The following HERC3 variants were observed in gnomAD, a reference collection of about 807,000 sequenced individuals.
The protein encoded by HERC3 is probable E3 ubiquitin-protein ligase HERC3.
HERC3 carries 58 observed loss-of-function variants against 129.9 expected under a neutral mutation model. That is an observed-to-expected ratio of 0.45 (90% CI 0.36 to 0.56). HERC3 has a LOEUF of 0.56. HERC3 is among the 20% of genes least tolerant of loss of function. The pLI is 0.00. For synonymous variants in HERC3, 430 were observed against 451.0 expected, an observed-to-expected ratio of 0.95 and a Z score of 0.59; for missense variants, 835 against 1,244.2, an observed-to-expected ratio of 0.67 and a Z score of 4.95.
At chr4:88,635,581 A>G (rs963825460) in intron 3 of HERC3, among the ~76,000 whole-genome samples, 1 of 152,204 alleles carries the variant, frequency 6.6e-6, no homozygotes, top group Non-Finnish European at 1.5e-5. Flanking sequence ...AACACACTTC[A>G]GGATATTATC....
At chr4:88,589,010 C>G (rs1020296172), upstream of HERC3, among the ~76,000 whole-genome samples, 1 of 151,990 alleles carries the variant, frequency 6.6e-6, no homozygotes, top group Admixed American at 6.6e-5. Context: ...TTGAAGCCAG[C>G]CTGGGCAACA....
intron 18 of HERC3, 50 bp downstream of exon 18, chr4:88,676,473 C>T: frequency 7.9e-7 from 1 of 1,268,170 alleles, no homozygotes; most frequent in Non-Finnish European, 1.1e-6. Context: ...TTCTCCCATT[C>T]TAGACATTCA....
chr4:88,574,033 A>C, the HERC3 span, among the ~76,000 whole-genome samples: 1 of 152,192 alleles, frequency 6.6e-6, no homozygotes, highest in East Asian at 1.9e-4. Flanking sequence ...AGGCAGCCAG[A>C]TCACAGGTTT....
chr4:88,689,068 A>G (rs1008282714), intron 23 of HERC3, among the ~76,000 whole-genome samples: 4 of 152,220 alleles, frequency 2.6e-5, no homozygotes, highest in Admixed American at 6.5e-5. Flanking sequence ...GTTTGTACGC[A>G]TGCAGGAAAA....
At chr4:88,662,400 C>G (rs1258459768) in intron 10 of HERC3, 31 bp from the exon 11 acceptor site, 4 of 1,586,714 alleles carry the variant, frequency 2.5e-6, no homozygotes, top group Non-Finnish European at 3.4e-6. Context: ...TACATAATTT[C>G]TTCTTTTTAC....
chr4:88,704,377 G>C, intron 24 of HERC3, 96 bp downstream of exon 24: 3 of 1,365,736 alleles, frequency 2.2e-6, no homozygotes, highest in Non-Finnish European at 3.1e-6. Context: ...CAAGCATACT[G>C]TGGTTGAGTT....
At chr4:88,673,909 T>C (rs1731876443) in intron 16 of HERC3, among the ~76,000 whole-genome samples, 1 of 152,190 alleles carries the variant, frequency 6.6e-6, no homozygotes, top group Non-Finnish European at 1.5e-5. Flanking sequence ...TTTGTAAGGC[T>C]TCCATATCTT....
chr4:88,691,348 G>A (rs1734053926), intron 23 of HERC3, among the ~76,000 whole-genome samples: 1 of 152,182 alleles, frequency 6.6e-6, no homozygotes, highest in Non-Finnish European at 1.5e-5. Flanking sequence ...ACAGTTACCT[G>A]TTTGTCTTTG....
the HERC3 span, among the ~76,000 whole-genome samples, chr4:88,582,692 T>G: frequency 6.6e-6 from 1 of 152,192 alleles, no homozygotes; most frequent in Non-Finnish European, 1.5e-5. Flanking sequence ...CTGGAACTTT[T>G]TTATTAACCT....
the HERC3 span, among the ~76,000 whole-genome samples, chr4:88,559,960 A>AATTTT: frequency 3.6e-4 from 43 of 119,594 alleles, 1 homozygote; most frequent in African/African-American, 1.2e-3. Context: ...GTTATTTTTG[A>AATTTT]TTTTTTTTTT....
intron 1 of HERC3, among the ~76,000 whole-genome samples, chr4:88,594,097 C>T (rs1722068980): frequency 6.6e-6 from 1 of 152,194 alleles, no homozygotes. Context: ...AAAATTAGCA[C>T]ATTAGCACTA....
the HERC3 span, among the ~76,000 whole-genome samples, chr4:88,530,249 C>G: frequency 2.6e-5 from 4 of 151,790 alleles, no homozygotes; most frequent in Admixed American, 2.6e-4. Context: ...AAGATCGTGC[C>G]ACTGCACTCC....
chr4:88,604,885 C>T (rs1723446407), intron 2 of HERC3, among the ~76,000 whole-genome samples: 1 of 152,182 alleles, frequency 6.6e-6, no homozygotes, highest in Admixed American at 6.5e-5. Flanking sequence ...CCCACATTAT[C>T]ACCAACACTT....
At chr4:88,688,342 T>C (rs570336438) in intron 23 of HERC3, among the ~76,000 whole-genome samples, 1 of 152,134 alleles carries the variant, frequency 6.6e-6, no homozygotes, top group South Asian at 2.1e-4. Flanking sequence ...GAGTAGAACA[T>C]GATTGGTTTC....
chr4:88,590,283 G>A (rs894809159), upstream of HERC3, among the ~76,000 whole-genome samples: 3 of 146,508 alleles, frequency 2.0e-5, no homozygotes, highest in African/African-American at 5.1e-5. Flanking sequence ...AACAAACTCC[G>A]GGCGCGGTGG....
chr4:88,566,213 C>T, the HERC3 span, among the ~76,000 whole-genome samples: 1 of 152,050 alleles, frequency 6.6e-6, no homozygotes, highest in Non-Finnish European at 1.5e-5. Context: ...ACTTATAAGT[C>T]AGAAAATGCA....
At chr4:88,566,257 G>GT in the HERC3 span, among the ~76,000 whole-genome samples, 10 of 151,856 alleles carry the variant, frequency 6.6e-5, no homozygotes, top group African/African-American at 2.4e-4. Flanking sequence ...TTTCTTTTAT[G>GT]TTTTTTGATT....
rs1382381948 is a variant in HERC3 at position 88,707,473 on chromosome 4, A to T, written c.*513A>T. Reference sequence around the variant, plus strand: ...GCTTGTTGCAGCCCTCCTTTAACCCAAAGGAGGAAAGGACTGCTTCAGAAA... The same window carrying T: ...GCTTGTTGCAGCCCTCCTTTAACCCTAAGGAGGAAAGGACTGCTTCAGAAA... On this transcript the variant is annotated 3_prime_UTR_variant, in exon 26 of 26. Coordinates refer to ENST00000402738, the MANE Select transcript of HERC3 (RefSeq NM_014606.3). 6.5e-6 allele frequency: 1 copy of T among 153,074 alleles called. No individual in the cohort carries two copies. Among genetic ancestry groups the T allele is most frequent in the Non-Finnish European group, 1.5e-5 (1 of 68,540 alleles). 9.5% of individuals were successfully genotyped at this position (153,074 alleles called of 1,614,324 possible).
chr4:88,638,770 G>A (rs1283787152), intron 3 of HERC3, among the ~76,000 whole-genome samples: 2 of 152,056 alleles, frequency 1.3e-5, no homozygotes, highest in African/African-American at 4.8e-5. Context: ...GAAATAAAGG[G>A]TACTCAAATA....
Sources: allele counts gnomAD v4.1 joint callset (sites outside exome capture counted in the v4.1 genomes callset), GRCh38; gene constraint gnomAD v4.1.1; transcripts MANE v1.5; gene names NCBI Gene and HGNC (gene_info 2026-07-23, HGNC 2026-07-21).